Variants in KIF17 observed in about 807,000 individuals in gnomAD.
KIF17 encodes the protein kinesin family member 17, also known as kinesin-like protein KIF17.
Under a neutral mutation model 96.8 loss-of-function variants are expected in KIF17, and 80 were observed. The ratio of observed to expected loss-of-function variants is 0.83; its 90% CI spans 0.69 to 1.00. The LOEUF (loss-of-function observed/expected upper bound fraction) is 1.00. Ranked by LOEUF, KIF17 falls within the 50% of genes least tolerant of loss-of-function variation. The pLI is 0.00. For synonymous variants in KIF17, 567 were observed against 587.5 expected, an observed-to-expected ratio of 0.97 and a Z score of 0.51; for missense variants, 1,280 against 1,372.9, an observed-to-expected ratio of 0.93 and a Z score of 1.07.
At chr1:20,676,063 C>T (rs990306087) in intron 11 of KIF17, among the ~76,000 whole-genome samples, 5 of 152,018 alleles carry the variant, frequency 3.3e-5, no homozygotes, top group South Asian at 2.1e-4. Flanking sequence ...AAGACAATAT[C>T]GAAGCAGCTC....
Position 20,709,621 on chromosome 1 carries a change from A to G in KIF17, c.670+18T>C, listed in dbSNP as rs753297144. On this transcript the variant is annotated intron_variant, in intron 4 of 14. Transcript: ENST00000400463. The surrounding 1 kb of genome is among the most constrained non-coding windows in gnomAD (Gnocchi z 4.7). Reference sequence around the variant, plus strand: ...CTGGGTCATCTGTCCCCCTGCCCCCAACAATGGCCTCGCATACCCACGGCA... The same window carrying G: ...CTGGGTCATCTGTCCCCCTGCCCCCGACAATGGCCTCGCATACCCACGGCA... 6.2e-7 allele frequency: 1 copy of G among 1,613,378 alleles called. No individual in the cohort carries two copies. Among genetic ancestry groups the G allele is most frequent in the Non-Finnish European group, 8.5e-7 (1 of 1,179,902 alleles).
In KIF17 at chr1:20,690,569, C is replaced by G. The variant is rs577366998; in HGVS notation, c.1234-234G>C. ...ACAGGGTCTCACTCTGTCCCCCAGG[C>G]TGGAGTGCAATGGCATAATCATGGC... On this transcript the variant is annotated intron_variant, in intron 6 of 14. Coordinates refer to ENST00000400463, the MANE Select transcript of KIF17 (RefSeq NM_001122819.3). 7.2e-5 allele frequency among the ~76,000 whole-genome samples: 11 copies of G among 152,068 alleles called. No individual in the cohort carries two copies. In the South Asian group the frequency reaches 2.3e-3, roughly 32 times the overall value.
chr1:20,682,914 A>G (rs2053858089), intron 10 of KIF17, 30 bp from the exon 11 acceptor site: 3 of 1,586,074 alleles, frequency 1.9e-6, no homozygotes, highest in Non-Finnish European at 2.6e-6. Context: ...AGCAAACAAG[A>G]CAATATCTGC....
intron 3 of KIF17, among the ~76,000 whole-genome samples, chr1:20,713,074 C>T (rs985095667): frequency 2.0e-5 from 3 of 149,028 alleles, no homozygotes; most frequent in African/African-American, 7.4e-5. Context: ...CAGCTCACTG[C>T]AACCTCTACC....
intron 5 of KIF17, among the ~76,000 whole-genome samples, chr1:20,703,640 G>C (rs1430199850): frequency 6.6e-6 from 1 of 152,140 alleles, no homozygotes; most frequent in East Asian, 1.9e-4. Context: ...GGATGAATGG[G>C]TAAGTGGGAG....
downstream of KIF17, among the ~76,000 whole-genome samples, chr1:20,662,836 T>TA (rs139937646): frequency 0.017 from 2,642 of 152,258 alleles, 79 homozygotes; most frequent in African/African-American, 0.06. Flanking sequence ...GCGCCCTCCT[T>TA]ACACCCCCAT....
At chr1:20,668,038 C>T (rs899063869) in intron 13 of KIF17, among the ~76,000 whole-genome samples, 18 of 150,086 alleles carry the variant, frequency 1.2e-4, no homozygotes, top group Non-Finnish European at 1.8e-4. Context: ...TGGCCGGGCG[C>T]GGTGGCTCAT....
In KIF17 at chr1:20,687,591, C is replaced by G. The variant is rs1485428184; in HGVS notation, c.1735G>C (p.Glu579Gln). 1.2e-5 allele frequency: 20 copies of G among 1,613,978 alleles called. No homozygotes were observed. Among genetic ancestry groups the G allele is most frequent in the Non-Finnish European group, 1.6e-5 (19 of 1,179,990 alleles). The change falls in exon 8 of 15, where the codon GAG becomes CAG. Residue 579 changes from glutamate to glutamine, a missense_variant. Physicochemically the swap from Glu to Gln is conservative, Grantham distance 29. Coordinates refer to ENST00000400463, the MANE Select transcript of KIF17 (RefSeq NM_001122819.3). This position sits in a 1 kb window ranked among gnomAD's most constrained non-coding sequence, Gnocchi z 4.4. ...EESRSRYFLDECLGQEAAGHL... is the reference protein window; with the variant it reads ...EESRSRYFLDQCLGQEAAGHL... ...CCAGCGGCCTCCTGCCCGAGGCACT[C>G]ATCCAGGAAGTATCTGCTCCTGGAC...
intron 4 of KIF17, among the ~76,000 whole-genome samples, chr1:20,708,491 T>C (rs2054381807): frequency 6.6e-6 from 1 of 152,126 alleles, no homozygotes; most frequent in South Asian, 2.1e-4. Flanking sequence ...GTCAGGGATC[T>C]CTCCAGAATT....
At chr1:20,662,051 C>T (rs752012027), downstream of KIF17, among the ~76,000 whole-genome samples, 1 of 152,240 alleles carries the variant, frequency 6.6e-6, no homozygotes, top group Non-Finnish European at 1.5e-5. Context: ...CCGGGCATTG[C>T]ACTTCTCTCC....
intron 2 of KIF17, among the ~76,000 whole-genome samples, chr1:20,714,996 C>G (rs1050893164): frequency 1.3e-5 from 2 of 152,130 alleles, no homozygotes; most frequent in Admixed American, 1.3e-4. Context: ...CACAAATGGT[C>G]GCCAGGTAAT....
At chr1:20,693,666 T>A (rs888807128) in intron 6 of KIF17, 1 of 152,158 alleles carries the variant, frequency 6.6e-6, no homozygotes, top group East Asian at 1.9e-4. Context: ...GAGAGACGAG[T>A]CTCCCATTTT....
At chr1:20,688,044 GT>G (rs375133366) in intron 7 of KIF17, 100 bp from the exon 8 acceptor site, 944 of 914,940 alleles carry the variant, frequency 1.0e-3, no homozygotes, top group Non-Finnish European at 1.2e-3. Context: ...TTTTTTGTTT[GT>G]TTTTTTTTTG....
intron 3 of KIF17, 101 bp downstream of exon 3, chr1:20,713,353 G>A: frequency 1.2e-6 from 1 of 839,504 alleles, no homozygotes; most frequent in South Asian, 1.5e-5. Context: ...GCCTCCCAGT[G>A]CCGGCACCCT....
At chr1:20,702,820 A>G (rs770396079) in intron 5 of KIF17, among the ~76,000 whole-genome samples, 13 of 152,152 alleles carry the variant, frequency 8.5e-5, no homozygotes, top group Non-Finnish European at 1.5e-4. Flanking sequence ...TGCCCTGTAC[A>G]GCTGTCTGCC....
At chr1:20,714,051 A>G (rs939687399) in intron 2 of KIF17, among the ~76,000 whole-genome samples, 4 of 152,002 alleles carry the variant, frequency 2.6e-5, no homozygotes, top group African/African-American at 7.2e-5. Context: ...AGCTAGGCCA[A>G]GCGCGGTGGC....
rs2053526197 is a variant in KIF17 at position 20,666,302 on chromosome 1, A to C, written c.2820T>G (p.Ser940Arg). The C allele has an allele frequency of 6.2e-7, 1 of 1,614,084 alleles. No individual in the cohort carries two copies. The highest frequency in any genetic ancestry group is 8.5e-7 in the Non-Finnish European group (1 of 1,179,932). Residue 940 changes from serine (S) to arginine (R), a missense_variant, in exon 14 of 15, where the codon AGT becomes AGG. Ser to Arg is a moderately radical substitution (Grantham distance 110). Transcript: ENST00000400463. ...MEDDRYRLML[S>R]RSNSENIASN... Reference sequence around the variant, plus strand: ...TGGCAATGTTTTCACTGTTGCTCCGACTGAGCATGAGCCTGTAGCGGTCGT... The same window carrying C: ...TGGCAATGTTTTCACTGTTGCTCCGCCTGAGCATGAGCCTGTAGCGGTCGT...
At chr1:20,666,074 C>G (rs1417327246) in intron 14 of KIF17, 140 bp downstream of exon 14, 1 of 757,060 alleles carries the variant, frequency 1.3e-6, no homozygotes, top group Non-Finnish European at 2.4e-6. Flanking sequence ...GGTGTTACCC[C>G]CCTCATTTTG....
chr1:20,716,138 C>T (rs1200377016), intron 1 of KIF17, among the ~76,000 whole-genome samples: 3 of 151,376 alleles, frequency 2.0e-5, no homozygotes, highest in African/African-American at 7.3e-5. Flanking sequence ...GTCCCAGCTA[C>T]TCGGGAGGCT....
Sources: gnomAD v4.1 joint callset for allele counts (sites outside exome capture counted in the v4.1 genomes callset) on GRCh38, gnomAD v4.1.1 for gene constraint, Gnocchi (gnomAD v3.1) non-coding constraint, MANE v1.5 for transcripts, NCBI Gene and HGNC (gene_info 2026-07-23, HGNC 2026-07-21) for gene names.